PDE10A: variants seen among roughly 807,000 people sequenced by gnomAD.
PDE10A encodes the protein cAMP and cAMP-inhibited cGMP 3',5'-cyclic phosphodiesterase 10A.
A neutral mutation model predicts 97.7 loss-of-function variants in PDE10A; 39 were observed. The ratio of observed to expected loss-of-function variants is 0.40; its 90% CI spans 0.31 to 0.52. The LOEUF is 0.52. PDE10A is among the 20% of genes least tolerant of loss of function. PDE10A has a pLI of 0.56. For synonymous variants in PDE10A, 371 were observed against 376.8 expected (o/e 0.98, Z 0.18); for missense variants, 731 against 1,047.8 (o/e 0.70, Z 4.17).
chr6:165,339,321 G>A lies in PDE10A; in HGVS notation c.2933C>T (p.Pro978Leu). ...ATCCTTCTTGTCTCTGTCCATCATA[G>A]GAATAGGCTGTATTCCCAATTTCTT... ...EMKKLGIQPIPMMDRDKKDEV... is the reference protein window; with the variant it reads ...EMKKLGIQPILMMDRDKKDEV... Residue 978 changes from proline to leucine, a missense_variant, in exon 20 of 22, where the codon CCT becomes CTT. Around this residue, in one of 8 missense-constraint regions of PDE10A, gnomAD observed 96 missense variants for 156.7 expected, o/e 0.61. Coordinates refer to ENST00000539869, the MANE Select transcript of PDE10A (RefSeq NM_001385079.1). 6.2e-7 allele frequency: 1 copy of A among 1,606,026 alleles called. No homozygotes were observed. The highest frequency in any genetic ancestry group is 8.5e-7 in the Non-Finnish European group (1 of 1,173,100).
At position 165,450,317 on chromosome 6, in the gene PDE10A, A is replaced by G; in HGVS notation, c.1069T>C (p.Tyr357His). Residue 357 changes from tyrosine to histidine, a missense_variant, in exon 4 of 22, where the codon TAT becomes CAT. This residue lies in a region of PDE10A where 152 missense variants were observed against 199.3 expected (regional missense o/e 0.76). Coordinates refer to ENST00000539869, the MANE Select transcript of PDE10A (RefSeq NM_001385079.1). ...MQGVVYELNSYIEQRLDTGGD... is the reference protein window; with the variant it reads ...MQGVVYELNSHIEQRLDTGGD... ...CCTGTGTCCAACCGTTGTTCTATAT[A>G]GCTGTTTAGTTCATATACAACTCCC... 4 of 1,589,224 alleles carry G rather than the reference A, an allele frequency of 2.5e-6. No homozygotes were observed. Among genetic ancestry groups the G allele is most frequent in the Non-Finnish European group, 2.6e-6 (3 of 1,158,688 alleles).
In PDE10A at chr6:165,635,472, A is replaced by AGTGTGT. The variant is rs60572651; in HGVS notation, c.865+26469_865+26474dup. 2.0e-5 allele frequency among the ~76,000 whole-genome samples: 3 copies of AGTGTGT among 150,968 alleles called. No homozygotes were observed. The East Asian group carries it at 5.9e-4, about 29-fold the overall frequency. ...CATGGTGCAAGTCAAGTGGGGTGTG[A>AGTGTGT]GTGTGTGTGTGTGTGGGTGTGTGTG... On this transcript the variant is annotated intron_variant, in intron 1 of 21. Coordinates refer to ENST00000539869, the MANE Select transcript of PDE10A (RefSeq NM_001385079.1).
intron 1 of PDE10A, among the ~76,000 whole-genome samples, chr6:165,602,929 A>G (rs1212907956): frequency 6.6e-6 from 1 of 152,194 alleles, no homozygotes; most frequent in Non-Finnish European, 1.5e-5. Flanking sequence ...TGCTAGACAG[A>G]CTACATAAAA....
intron 1 of PDE10A, among the ~76,000 whole-genome samples, chr6:165,943,361 A>AAAGAAAGAAAGAAAAAGAAAGG (rs1167502272): frequency 2.2e-5 from 2 of 89,862 alleles, no homozygotes; most frequent in African/African-American, 8.3e-5. Flanking sequence ...AGAAAGAAAG[A>AAAGAAAGAAAGAAAAAGAAAGG]GAAAGAAAGA....
rs1245937500 is a variant in PDE10A at position 165,987,729 on chromosome 6, T to C, written c.-815A>G. 2.2e-5 allele frequency: 10 copies of C among 456,690 alleles called. No individual in the cohort carries two copies. The East Asian group carries it at 7.0e-4, about 32-fold the overall frequency. 28.3% of individuals were successfully genotyped at this position (456,690 alleles called of 1,614,324 possible). On this transcript the variant is annotated 5_prime_UTR_variant, in exon 1 of 20. Coordinates refer to the PDE10A transcript ENST00000366882. Reference sequence around the variant, plus strand: ...CAAGTTCGGGACCTGTCCACCACGCTCGCGCGCTCCGCTCAGCAGGCAGAT... The same window carrying C: ...CAAGTTCGGGACCTGTCCACCACGCCCGCGCGCTCCGCTCAGCAGGCAGAT...
chr6:165,738,119 G>A (rs966458004), intron 1 of PDE10A, among the ~76,000 whole-genome samples: 18 of 150,224 alleles, frequency 1.2e-4, no homozygotes, highest in Non-Finnish European at 1.6e-4. Context: ...CCACTAACTC[G>A]TCATCTAGCA....
At chr6:165,856,424 T>C (rs1780736805) in intron 1 of PDE10A, among the ~76,000 whole-genome samples, 1 of 152,212 alleles carries the variant, frequency 6.6e-6, no homozygotes, top group South Asian at 2.1e-4. Flanking sequence ...CCTGGTTCTC[T>C]TTCCAGCAGC....
chr6:165,569,691 G>GT (rs1784956867), intron 1 of PDE10A, among the ~76,000 whole-genome samples: 1 of 152,030 alleles, frequency 6.6e-6, no homozygotes, highest in African/African-American at 2.4e-5. Context: ...TCAAAAATTT[G>GT]TTTTTTAACC....
intron 2 of PDE10A, among the ~76,000 whole-genome samples, chr6:165,536,159 T>C (rs1205139640): frequency 1.3e-5 from 2 of 151,606 alleles, no homozygotes; most frequent in African/African-American, 4.8e-5. Flanking sequence ...CAGAAATAAA[T>C]CCATATTTTT....
chr6:165,450,914 T>A (rs1419282028), intron 3 of PDE10A, among the ~76,000 whole-genome samples: 1 of 152,216 alleles, frequency 6.6e-6, no homozygotes, highest in Non-Finnish European at 1.5e-5. Flanking sequence ...CCTATATATA[T>A]TAAAATAGTA....
At chr6:165,890,633 C>A (rs1241807456) in intron 1 of PDE10A, among the ~76,000 whole-genome samples, 1 of 152,126 alleles carries the variant, frequency 6.6e-6, no homozygotes, top group African/African-American at 2.4e-5. Context: ...CTCAGTGGAT[C>A]TCAAGTAGGC....
At chr6:165,437,854 A>T (rs974109280) in intron 5 of PDE10A, among the ~76,000 whole-genome samples, 1 of 152,188 alleles carries the variant, frequency 6.6e-6, no homozygotes, top group African/African-American at 2.4e-5. Flanking sequence ...GTTTGCCTCC[A>T]AACAATTTAC....
chr6:165,635,563 C>T (rs914760152), intron 1 of PDE10A, among the ~76,000 whole-genome samples: 5 of 152,138 alleles, frequency 3.3e-5, no homozygotes, highest in African/African-American at 1.2e-4. Context: ...CAAGTGGGTA[C>T]TTTAGAGTAT....
At chr6:165,801,704 T>C (rs2128465605) in intron 1 of PDE10A, among the ~76,000 whole-genome samples, 1 of 152,358 alleles carries the variant, frequency 6.6e-6, no homozygotes, top group East Asian at 1.9e-4. Context: ...TAATTCTCAG[T>C]ATATGTTTTT....
chr6:165,433,312 A>C (rs1167255990), intron 6 of PDE10A, among the ~76,000 whole-genome samples, 183 bp from the exon 7 acceptor site: 1 of 152,206 alleles, frequency 6.6e-6, no homozygotes, highest in African/African-American at 2.4e-5. Flanking sequence ...TTTTCATGGA[A>C]CTTATACCCA....
chr6:165,459,207 T>C (rs1228343239), intron 3 of PDE10A, among the ~76,000 whole-genome samples: 5 of 152,184 alleles, frequency 3.3e-5, no homozygotes, highest in Non-Finnish European at 2.9e-5. Flanking sequence ...CATGTGAACA[T>C]GAGATCAAAG....
chr6:165,359,961 G>A (rs1348233801), intron 18 of PDE10A, among the ~76,000 whole-genome samples: 1 of 152,134 alleles, frequency 6.6e-6, no homozygotes, highest in Non-Finnish European at 1.5e-5. Context: ...GGGTCATGAT[G>A]TCTCCCTTTT....
At chr6:165,764,565 G>C (rs1382331260) in intron 1 of PDE10A, among the ~76,000 whole-genome samples, 2 of 151,470 alleles carry the variant, frequency 1.3e-5, no homozygotes, top group Non-Finnish European at 2.9e-5. Context: ...CTTCTTTCTG[G>C]TGGGTTTGTG....
intron 1 of PDE10A, among the ~76,000 whole-genome samples, chr6:165,826,343 CCT>C (rs942219561): frequency 8.6e-5 from 13 of 151,176 alleles, no homozygotes; most frequent in African/African-American, 3.2e-4. Flanking sequence ...TCCCCATGTC[CCT>C]GTGTCCCCGT....
Sources: gnomAD v4.1 joint callset for allele counts (sites outside exome capture counted in the v4.1 genomes callset) on GRCh38, gnomAD v4.1.1 for gene constraint, gnomAD v4.1.1 regional missense constraint, MANE v1.5 for transcripts, NCBI Gene and HGNC (gene_info 2026-07-23, HGNC 2026-07-21) for gene names.